ARPC1A: variants seen among roughly 807,000 people sequenced by gnomAD.
ARPC1A encodes actin related protein 2/3 complex subunit 1A.
Under a neutral mutation model 46.9 loss-of-function variants are expected in ARPC1A, and 8 were observed. That is an observed-to-expected ratio of 0.17 (90% confidence interval 0.10 to 0.31). The LOEUF is 0.31. Among genes scored for constraint, ARPC1A ranks in the 10% least tolerant of loss-of-function variants. The probability of loss-of-function intolerance (pLI) is 1.00; values close to 1 mark genes in which losing one functional copy is unlikely to be tolerated. For missense variants in ARPC1A, 286 were observed against 483.6 expected, an observed-to-expected ratio of 0.59 and a Z score of 3.83; for synonymous variants, 152 against 169.0, an observed-to-expected ratio of 0.90 and a Z score of 0.78.
intron 6 of ARPC1A, among the ~76,000 whole-genome samples, chr7:99,354,999 A>G (rs1270049080): frequency 6.6e-6 from 1 of 152,024 alleles, no homozygotes; most frequent in Non-Finnish European, 1.5e-5. Context: ...CTGTAATCCC[A>G]GCTACTCAGG....
chr7:99,355,886 T>C (rs1166289560), intron 6 of ARPC1A, among the ~76,000 whole-genome samples: 1 of 152,176 alleles, frequency 6.6e-6, no homozygotes, highest in East Asian at 1.9e-4. Flanking sequence ...GAGCCTTCCA[T>C]TCAGTAAGGC....
intron 9 of ARPC1A, among the ~76,000 whole-genome samples, chr7:99,364,221 G>A (rs895325314): frequency 6.6e-6 from 1 of 150,988 alleles, no homozygotes; most frequent in African/African-American, 2.4e-5. Flanking sequence ...TCCCAAAGTG[G>A]TGGGATTACA....
At chr7:99,350,709 G>A (rs1048662591) in intron 5 of ARPC1A, among the ~76,000 whole-genome samples, 1 of 139,608 alleles carries the variant, frequency 7.2e-6, no homozygotes, top group Admixed American at 7.7e-5. Flanking sequence ...GTGGTGGTGC[G>A]ATCATAGCTC....
intron 6 of ARPC1A, among the ~76,000 whole-genome samples, chr7:99,356,100 C>T (rs989503747): frequency 6.6e-6 from 1 of 152,110 alleles, no homozygotes; most frequent in Admixed American, 6.6e-5. Flanking sequence ...GTTCCTTTTC[C>T]ATTGATAGCT....
intron 1 of ARPC1A, 80 bp from the exon 2 acceptor site, chr7:99,333,245 A>C (rs1793178217): frequency 1.3e-5 from 11 of 876,510 alleles, no homozygotes; most frequent in Non-Finnish European, 2.0e-5. Flanking sequence ...CGAACATCTT[A>C]AGATCCTCAG....
chr7:99,339,858 G>A (rs1202873208), intron 3 of ARPC1A: 1 of 399,620 alleles, frequency 2.5e-6, no homozygotes, highest in South Asian at 1.7e-5. Flanking sequence ...AATACCACAG[G>A]GTATGCATAT....
intron 5 of ARPC1A, among the ~76,000 whole-genome samples, chr7:99,352,074 G>T (rs762978175): frequency 1.3e-5 from 2 of 152,266 alleles, no homozygotes; most frequent in South Asian, 4.1e-4. Flanking sequence ...TTCTCTTGGG[G>T]TATGTCTTTA....
intron 7 of ARPC1A, among the ~76,000 whole-genome samples, chr7:99,359,073 C>T (rs1338671503): frequency 5.3e-5 from 8 of 151,018 alleles, no homozygotes; most frequent in South Asian, 2.1e-4. Context: ...CCTCGTGATC[C>T]GCCCACCTTG....
At chr7:99,354,252 G>T in intron 6 of ARPC1A, 131 bp downstream of exon 6, 1 of 1,046,120 alleles carries the variant, frequency 9.6e-7, no homozygotes. Context: ...GCCAGGCGTG[G>T]TGGCTCACGC....
chr7:99,365,847 A>C (rs1420260638), intron 9 of ARPC1A, 44 bp from the exon 10 acceptor site: 1 of 1,543,926 alleles, frequency 6.5e-7, no homozygotes, highest in South Asian at 1.2e-5. Flanking sequence ...ACCTCGGGGT[A>C]GACACTCCTC....
intron 5 of ARPC1A, 100 bp from the exon 6 acceptor site, chr7:99,353,809 T>G (rs1793586748): frequency 8.4e-7 from 1 of 1,194,164 alleles, no homozygotes; most frequent in African/African-American, 1.5e-5. Flanking sequence ...TGAGTCAACC[T>G]CTTTGCATTC....
chr7:99,365,908 C>T lies in ARPC1A; in HGVS notation c.1092C>T (p.Ile364=). The change falls in exon 10 of 10, where the codon ATC becomes ATT. Residue 364 remains isoleucine (I), a synonymous_variant. Coordinates refer to ENST00000262942, the MANE Select transcript of ARPC1A (RefSeq NM_006409.4). The stretch of plus-strand genomic sequence containing the variant: ...TTTCCAAGACCCTCGAGTCTTCCAT[C>T]CAGGGCCTCCGGATAATGTGAAGCT... ...IWDFKTLESS[I]QGLRIM is the part of the protein sequence containing the mutation. The T allele has an allele frequency of 1.3e-6, 2 of 1,575,636 alleles. No homozygotes were observed. Among genetic ancestry groups the T allele is most frequent in the African/African-American group, 1.3e-5 (1 of 74,506 alleles).
At chr7:99,329,229 A>T (rs1031635511) in intron 1 of ARPC1A, among the ~76,000 whole-genome samples, 2 of 151,372 alleles carry the variant, frequency 1.3e-5, no homozygotes, top group Non-Finnish European at 2.9e-5. Context: ...TGAACCCGGG[A>T]GGCAGAGTTT....
At chr7:99,365,293 A>AAGCCAGGTGC (rs1562804858) in intron 9 of ARPC1A, among the ~76,000 whole-genome samples, 1 of 151,712 alleles carries the variant, frequency 6.6e-6, no homozygotes. Flanking sequence ...CTCTATAAAA[A>AAGCCAGGTGC]AGCCAGGTGC....
At chr7:99,345,491 T>A (rs1405176277) in intron 4 of ARPC1A, among the ~76,000 whole-genome samples, 1 of 152,054 alleles carries the variant, frequency 6.6e-6, no homozygotes, top group Non-Finnish European at 1.5e-5. Flanking sequence ...TGAAACCCCA[T>A]CTCTACTAAA....
At chr7:99,353,817 TTC>T (rs1793586963) in intron 5 of ARPC1A, 90 bp from the exon 6 acceptor site, 1 of 1,271,490 alleles carries the variant, frequency 7.9e-7, no homozygotes, top group South Asian at 1.4e-5. Flanking sequence ...CCTCTTTGCA[TTC>T]TGAGATTCCT....
intron 3 of ARPC1A, among the ~76,000 whole-genome samples, chr7:99,343,111 TG>T (rs1793382516): frequency 6.6e-6 from 1 of 151,438 alleles, no homozygotes; most frequent in Non-Finnish European, 1.5e-5. Flanking sequence ...GAGAGAGATC[TG>T]TAATAAATAT....
intron 4 of ARPC1A, among the ~76,000 whole-genome samples, chr7:99,348,569 C>T (rs1174875023): frequency 1.3e-5 from 2 of 152,146 alleles, no homozygotes; most frequent in Non-Finnish European, 2.9e-5. Flanking sequence ...TAGCCAGTCT[C>T]AGATCATAAC....
intron 1 of ARPC1A, among the ~76,000 whole-genome samples, chr7:99,328,455 A>G (rs1300439635): frequency 1.3e-5 from 2 of 152,208 alleles, no homozygotes; most frequent in African/African-American, 2.4e-5. Flanking sequence ...TTGCTTTCAC[A>G]TGTCTCATTT....
Sources: allele counts gnomAD v4.1 joint callset (sites outside exome capture counted in the v4.1 genomes callset), GRCh38; gene constraint gnomAD v4.1.1; transcripts MANE v1.5; gene names NCBI Gene and HGNC (gene_info 2026-07-23, HGNC 2026-07-21).